LYVE1: variants seen among roughly 807,000 people sequenced by gnomAD.
LYVE1 encodes lymphatic vessel endothelial hyaluronan receptor 1, also known as lymphatic vessel endothelial hyaluronic acid receptor 1.
LYVE1 carries 29 observed loss-of-function variants against 31.5 expected under a neutral mutation model. The ratio of observed to expected loss-of-function variants is 0.92; its 90% CI spans 0.69 to 1.26. The LOEUF (loss-of-function observed/expected upper bound fraction) is 1.26, where lower values mean the gene tolerates loss of function less well. Among genes scored for constraint, LYVE1 ranks in the 50% most tolerant of loss-of-function variants. The pLI, the probability that LYVE1 is intolerant of heterozygous loss-of-function variation, is 0.00. For synonymous variants in LYVE1, 134 were observed against 139.4 expected (o/e 0.96, Z 0.27); for missense variants, 376 against 380.2 (o/e 0.99, Z 0.09).
chr11:10,559,429 C>T (rs1207384385), intron 5 of LYVE1, 132 bp from the exon 6 acceptor site: 4 of 652,150 alleles, frequency 6.1e-6, no homozygotes, highest in African/African-American at 1.8e-5. Context: ...CACATGCATG[C>T]TCTAATACAT....
intron 1 of LYVE1, among the ~76,000 whole-genome samples, chr11:10,567,755 C>T (rs1168296424): frequency 1.3e-5 from 2 of 152,058 alleles, no homozygotes; most frequent in Non-Finnish European, 2.9e-5. Flanking sequence ...AGTAGACAGC[C>T]GATGGCTTAA....
chr11:10,559,798 G>C lies in LYVE1; in HGVS notation c.782+18C>G. On this transcript the variant is annotated intron_variant, in intron 5 of 5. Transcript: ENST00000256178. The stretch of plus-strand genomic sequence containing the variant: ...CATGACAAAGATTACAAGACTAGCA[G>C]TGCACCAACAACCCTACCTTTTGAC... 6.2e-7 allele frequency: 1 copy of C among 1,609,896 alleles called. No homozygotes were observed. The highest frequency in any genetic ancestry group is 8.5e-7 in the Non-Finnish European group (1 of 1,176,222).
chr11:10,560,730 T>G lies in LYVE1; in HGVS notation c.468A>C (p.Ala156=), dbSNP rs924242710. 3.7e-6 allele frequency: 6 copies of G among 1,613,808 alleles called. No individual in the cohort carries two copies. Among genetic ancestry groups the G allele is most frequent in the Middle Eastern group, 1.6e-4 (1 of 6,084 alleles). The change falls in exon 4 of 6, where the codon GCA becomes GCC. Residue 156 remains alanine, a synonymous_variant. Transcript: ENST00000256178. ...TGACAATAAATTCTGTTGTTTGTGTTGCAGTTTGAGTGTTGAATATGGGAT... is the reference window on the plus strand; with the variant it reads ...TGACAATAAATTCTGTTGTTTGTGTGGCAGTTTGAGTGTTGAATATGGGAT... ...TKDPIFNTQT[A]TQTTEFIVSD...
intron 1 of LYVE1, among the ~76,000 whole-genome samples, chr11:10,567,010 T>C (rs1850556908): frequency 6.6e-6 from 1 of 152,200 alleles, no homozygotes; most frequent in South Asian, 2.1e-4. Flanking sequence ...AAATAGTGTA[T>C]GCTTAGGAGT....
At chr11:10,563,645 C>T (rs1336988275) in intron 3 of LYVE1, among the ~76,000 whole-genome samples, 3 of 152,110 alleles carry the variant, frequency 2.0e-5, no homozygotes, top group Non-Finnish European at 2.9e-5. Flanking sequence ...TACATCTGTA[C>T]CTTTGTTCCT....
chr11:10,565,449 G>A (rs908927813), intron 1 of LYVE1, among the ~76,000 whole-genome samples: 8 of 152,138 alleles, frequency 5.3e-5, no homozygotes, highest in African/African-American at 1.9e-4. Flanking sequence ...ATCCATAAAA[G>A]GGCATTTAAA....
intron 3 of LYVE1, among the ~76,000 whole-genome samples, chr11:10,561,602 GAGTTGACCATGGC>G (rs1850425820): frequency 6.6e-6 from 1 of 152,174 alleles, no homozygotes. Flanking sequence ...ATCTTAATCT[GAGTTGACCATGGC>G]AGTAAGTGTT....
At chr11:10,565,546 A>C (rs1465337607) in intron 1 of LYVE1, among the ~76,000 whole-genome samples, 2 of 152,204 alleles carry the variant, frequency 1.3e-5, no homozygotes, top group Non-Finnish European at 2.9e-5. Context: ...TATCTAATGG[A>C]AGTTTCTTTT....
intron 4 of LYVE1, 113 bp from the exon 5 acceptor site, chr11:10,560,007 C>A: frequency 1.4e-6 from 1 of 714,068 alleles, no homozygotes; most frequent in East Asian, 2.7e-5. Flanking sequence ...AAAACCTTCT[C>A]TGTAGCCCTT....
chr11:10,558,668 T>A lies in LYVE1; in HGVS notation c.*443A>T, dbSNP rs769903564. On this transcript the variant is annotated 3_prime_UTR_variant, in exon 6 of 6. Coordinates refer to ENST00000256178, the MANE Select transcript of LYVE1 (RefSeq NM_006691.4). ...ACATGTCAGGTGGGATACGTGTTTCTCTTTCAGAGCTGAAGAAAGGGTCTG... is the reference window on the plus strand; with the variant it reads ...ACATGTCAGGTGGGATACGTGTTTCACTTTCAGAGCTGAAGAAAGGGTCTG... 6 of 154,908 alleles carry A rather than the reference T, an allele frequency of 3.9e-5. No homozygotes were observed. The highest frequency in any genetic ancestry group is 4.8e-5 in the African/African-American group (2 of 41,584). The allele number at this position is 154,908 out of a possible 1,614,324, so 9.6% of individuals were successfully genotyped here.
At chr11:10,562,058 A>G (rs1458996340) in intron 3 of LYVE1, among the ~76,000 whole-genome samples, 1 of 152,254 alleles carries the variant, frequency 6.6e-6, no homozygotes, top group Non-Finnish European at 1.5e-5. Flanking sequence ...AACCATGAGG[A>G]AATAGACAAA....
chr11:10,559,898 C>T lies in LYVE1; in HGVS notation c.704-4G>A. 6.2e-7 allele frequency: 1 copy of T among 1,610,976 alleles called. No individual in the cohort carries two copies. Among genetic ancestry groups the T allele is most frequent in the Non-Finnish European group, 8.5e-7 (1 of 1,177,250 alleles). On this transcript the variant is annotated splice_region_variant and splice_polypyrimidine_tract_variant and intron_variant, in intron 4 of 5. Transcript: ENST00000256178. The stretch of plus-strand genomic sequence containing the variant: ...ACTAGCAGAGCCGTGGGGACACCTG[C>T]AAGGAACAGAGACAAGGCCTGTTGG...
Position 10,566,773 on chromosome 11 carries a change from A to G in LYVE1, c.85+1675T>C, listed in dbSNP as rs549230258. On this transcript the variant is annotated intron_variant, in intron 1 of 5. Coordinates refer to ENST00000256178, the MANE Select transcript of LYVE1 (RefSeq NM_006691.4). ...CTGTTGCGACATCAGGCAAGTCAGC[A>G]TTCTCATCTGAAAATGGGGATGGAT... Among the ~76,000 whole-genome samples, 6 of 152,336 alleles carry G rather than the reference A, an allele frequency of 3.9e-5. No homozygotes were observed. The South Asian group carries it at 1.0e-3, about 26-fold the overall frequency.
intron 1 of LYVE1, 78 bp downstream of exon 1, chr11:10,568,370 C>T (rs1309841348): frequency 1.4e-6 from 2 of 1,460,430 alleles, no homozygotes; most frequent in East Asian, 2.3e-5. Flanking sequence ...CCCTCATTCC[C>T]AGAAATCCAT....
At chr11:10,559,786 A>T (rs1226228439) in intron 5 of LYVE1, 30 bp downstream of exon 5, 1 of 1,596,956 alleles carries the variant, frequency 6.3e-7, no homozygotes, top group East Asian at 2.2e-5. Context: ...GACAAAGATT[A>T]CAAGACTAGC....
chr11:10,563,301 G>T (rs923023333), intron 3 of LYVE1, among the ~76,000 whole-genome samples: 10 of 152,098 alleles, frequency 6.6e-5, no homozygotes, highest in South Asian at 2.1e-4. Context: ...TATCTCATAG[G>T]GATCTGTAGA....
chr11:10,561,825 G>T (rs999438489), intron 3 of LYVE1, among the ~76,000 whole-genome samples: 1 of 152,068 alleles, frequency 6.6e-6, no homozygotes, highest in African/African-American at 2.4e-5. Flanking sequence ...TGGGGTTGGG[G>T]GGTGGGCTAG....
At position 10,560,394 on chromosome 11, in the gene LYVE1, C is replaced by T. The variant is rs571774696; in HGVS notation, c.703+101G>A. On this transcript the variant is annotated intron_variant, in intron 4 of 5. Transcript: ENST00000256178. ...GTGTTAAGCTTTTATTAGTATTTGA[C>T]AGGTCCTGAGCGCCTCATCTAAAGA... 5.0e-5 allele frequency: 49 copies of T among 984,542 alleles called. No homozygotes were observed. In the East Asian group the frequency reaches 1.2e-3, roughly 24 times the overall value. The allele number at this position is 984,542 out of a possible 1,614,324, so 61.0% of individuals were successfully genotyped here.
intron 1 of LYVE1, among the ~76,000 whole-genome samples, chr11:10,566,274 TA>T (rs1346102198): frequency 6.6e-6 from 1 of 151,612 alleles, no homozygotes; most frequent in Non-Finnish European, 1.5e-5. Flanking sequence ...CATGCCCAGC[TA>T]ATTTTTGTAT....
Sources: allele counts gnomAD v4.1 joint callset (sites outside exome capture counted in the v4.1 genomes callset), GRCh38; gene constraint gnomAD v4.1.1; transcripts MANE v1.5; gene names NCBI Gene and HGNC (gene_info 2026-07-23, HGNC 2026-07-21).